Variants in SGCZ observed in about 807,000 individuals in gnomAD.
The protein encoded by SGCZ is sarcoglycan zeta, also known as zeta-sarcoglycan.
In SGCZ, 40 loss-of-function variants were observed where a neutral mutation model predicts 41.3. The observed-to-expected ratio is 0.97, with a 90% confidence interval of 0.75 to 1.26. The LOEUF (loss-of-function observed/expected upper bound fraction) is 1.26. Among genes scored for constraint, SGCZ ranks in the 50% most tolerant of loss-of-function variants. The pLI, the probability that SGCZ is intolerant of heterozygous loss-of-function variation, is 0.00. For synonymous variants in SGCZ, 206 were observed against 137.5 expected, an observed-to-expected ratio of 1.50 and a Z score of -3.49; for missense variants, 552 against 369.8, an observed-to-expected ratio of 1.49 and a Z score of -4.04.
At chr8:14,792,987 CA>C (rs1204377702) in intron 1 of SGCZ, among the ~76,000 whole-genome samples, 14 of 152,172 alleles carry the variant, frequency 9.2e-5, no homozygotes, top group Non-Finnish European at 1.9e-4. Flanking sequence ...CTGACACTTA[CA>C]TTTATTTGAC....
chr8:14,180,239 G>T (rs535903841), intron 4 of SGCZ, among the ~76,000 whole-genome samples: 56 of 152,262 alleles, frequency 3.7e-4, no homozygotes, highest in Admixed American at 2.0e-3. Context: ...TCCTAGCCAA[G>T]CCCACCTCCA....
intron 2 of SGCZ, among the ~76,000 whole-genome samples, chr8:14,519,143 G>C (rs953181633): frequency 3.3e-5 from 5 of 150,440 alleles, no homozygotes; most frequent in African/African-American, 9.8e-5. Context: ...TAAGTTACTA[G>C]ATCAATTAAG....
In SGCZ at chr8:14,100,916, A is replaced by G. The variant is rs973888151; in HGVS notation, c.744+1460T>C. Among the ~76,000 whole-genome samples the G allele has an allele frequency of 3.3e-5, 5 of 152,054 alleles. No individual in the cohort carries two copies. In the East Asian group the frequency reaches 9.6e-4, roughly 29 times the overall value. ...TGACCTTTGTGGGCTCATAATTTAA[A>G]AACGATAAATAACACAAGAAGAAAA... On this transcript the variant is annotated intron_variant, in intron 7 of 7. Transcript: ENST00000382080.
At chr8:14,637,360 G>T (rs1211030923) in intron 1 of SGCZ, among the ~76,000 whole-genome samples, 1 of 151,310 alleles carries the variant, frequency 6.6e-6, no homozygotes, top group African/African-American at 2.4e-5. Context: ...TACACGTGCA[G>T]GTTTGTTACA....
chr8:14,279,532 T>A (rs1395856611), intron 3 of SGCZ, among the ~76,000 whole-genome samples: 2 of 151,904 alleles, frequency 1.3e-5, no homozygotes, highest in Non-Finnish European at 2.9e-5. Context: ...ATATCTACTA[T>A]CTCTTCACAA....
chr8:14,140,559 T>A (rs544793097), intron 5 of SGCZ, among the ~76,000 whole-genome samples: 8 of 152,292 alleles, frequency 5.3e-5, no homozygotes, highest in Non-Finnish European at 8.8e-5. Context: ...GTGAGTGAAC[T>A]CTCATTCACA....
At chr8:15,041,894 G>A (rs1000385361) in intron 1 of SGCZ, among the ~76,000 whole-genome samples, 2 of 152,006 alleles carry the variant, frequency 1.3e-5, no homozygotes, top group African/African-American at 2.4e-5. Flanking sequence ...TTGATTTTTA[G>A]GTCTGGTCCT....
At chr8:14,684,680 C>T (rs929006018) in intron 1 of SGCZ, among the ~76,000 whole-genome samples, 4 of 135,292 alleles carry the variant, frequency 3.0e-5, no homozygotes, top group Admixed American at 7.1e-5. Context: ...AGTTTCGACA[C>T]CTTTGTTTTT....
intron 2 of SGCZ, among the ~76,000 whole-genome samples, chr8:14,409,772 C>T (rs1799310785): frequency 1.3e-5 from 2 of 152,064 alleles, no homozygotes; most frequent in Non-Finnish European, 2.9e-5. Flanking sequence ...ACATATATAG[C>T]AACACATACT....
At chr8:15,103,161 G>A (rs1476008310) in intron 1 of SGCZ, among the ~76,000 whole-genome samples, 1 of 152,098 alleles carries the variant, frequency 6.6e-6, no homozygotes, top group Non-Finnish European at 1.5e-5. Context: ...AGCACTTTGG[G>A]AGGCCAAGGC....
intron 1 of SGCZ, among the ~76,000 whole-genome samples, chr8:14,749,313 A>C (rs374225104): frequency 3.7e-4 from 56 of 152,306 alleles, no homozygotes; most frequent in African/African-American, 1.3e-3. Flanking sequence ...GTTTCCCAGA[A>C]ACCGAATGCT....
At chr8:15,062,034 C>T (rs1394265050) in intron 1 of SGCZ, among the ~76,000 whole-genome samples, 1 of 152,164 alleles carries the variant, frequency 6.6e-6, no homozygotes, top group East Asian at 1.9e-4. Context: ...AGATACTCTG[C>T]TGCACCAGAA....
chr8:14,334,411 G>C (rs1338137772), intron 2 of SGCZ, among the ~76,000 whole-genome samples: 2 of 151,760 alleles, frequency 1.3e-5, no homozygotes, highest in East Asian at 1.9e-4. Flanking sequence ...TGTTAGTTTT[G>C]TGCACCTAGT....
intron 1 of SGCZ, among the ~76,000 whole-genome samples, chr8:14,824,601 C>T (rs913519311): frequency 5.3e-5 from 8 of 152,062 alleles, no homozygotes; most frequent in South Asian, 2.1e-4. Flanking sequence ...TATTTATTCT[C>T]ATCATGTGAA....
chr8:15,076,852 A>G (rs959881348), intron 1 of SGCZ, among the ~76,000 whole-genome samples: 5 of 151,720 alleles, frequency 3.3e-5, no homozygotes, highest in African/African-American at 1.2e-4. Context: ...AAGAGAGGGA[A>G]AAAAAAGAGA....
At chr8:15,030,981 A>G (rs1803639056) in intron 1 of SGCZ, among the ~76,000 whole-genome samples, 1 of 152,132 alleles carries the variant, frequency 6.6e-6, no homozygotes, top group Non-Finnish European at 1.5e-5. Flanking sequence ...ATATATGTAG[A>G]CAAGTTTCCT....
At chr8:15,092,948 T>C (rs1034262091) in intron 1 of SGCZ, among the ~76,000 whole-genome samples, 6 of 152,196 alleles carry the variant, frequency 3.9e-5, no homozygotes, top group African/African-American at 1.4e-4. Flanking sequence ...GCAAAATGTC[T>C]TTTGGAAATT....
At chr8:14,268,278 C>A (rs1358724634) in intron 3 of SGCZ, among the ~76,000 whole-genome samples, 2 of 149,146 alleles carry the variant, frequency 1.3e-5, no homozygotes, top group South Asian at 4.2e-4. Flanking sequence ...TCCCTACTCC[C>A]AGGATACATA....
chr8:15,123,672 C>G (rs920605058), intron 1 of SGCZ, among the ~76,000 whole-genome samples: 2 of 152,140 alleles, frequency 1.3e-5, no homozygotes, highest in Non-Finnish European at 2.9e-5. Flanking sequence ...TAAGTACCTT[C>G]TAAGTGATAA....
Sources: gnomAD v4.1 joint callset for allele counts (sites outside exome capture counted in the v4.1 genomes callset) on GRCh38, gnomAD v4.1.1 for gene constraint, MANE v1.5 for transcripts, NCBI Gene and HGNC (gene_info 2026-07-23, HGNC 2026-07-21) for gene names.